Variants in RRP15 observed in about 807,000 individuals in gnomAD.
RRP15 encodes the protein ribosomal RNA processing 15 homolog.
A neutral mutation model predicts 27.1 loss-of-function variants in RRP15; 18 were observed. The ratio of observed to expected loss-of-function variants is 0.66; its 90% confidence interval spans 0.46 to 0.98. The LOEUF (loss-of-function observed/expected upper bound fraction) is 0.98. Ranked by LOEUF, RRP15 falls within the 50% of genes least tolerant of loss-of-function variation. The pLI, the probability that RRP15 is intolerant of heterozygous loss-of-function variation, is 0.00. For synonymous variants in RRP15, 107 were observed against 109.4 expected (o/e 0.98, Z 0.14); for missense variants, 359 against 337.8 (o/e 1.06, Z -0.49).
intron 1 of RRP15, among the ~76,000 whole-genome samples, chr1:218,292,540 C>T (rs1410330559): frequency 6.6e-6 from 1 of 151,192 alleles, no homozygotes; most frequent in Non-Finnish European, 1.5e-5. Context: ...TGTAGGGAGA[C>T]TCCAACCCTT....
rs1656444412 is a variant in RRP15, at chr1:218,336,162, T to C, written c.*5071T>C. The C allele has an allele frequency of 6.6e-6, 1 of 152,196 alleles. No individual in the cohort carries two copies. The highest frequency in any genetic ancestry group is 1.5e-5 in the Non-Finnish European group (1 of 68,012). The allele number at this position is 152,196 out of a possible 1,614,324, so 9.4% of individuals were successfully genotyped here. ...TTTCCTAAGTAAGTGTATTTAGTTG[T>C]AGGACCTTAGAGTTGCCTAGGTCCA... On this transcript the variant is annotated 3_prime_UTR_variant, in exon 5 of 5. Coordinates refer to ENST00000366932, the MANE Select transcript of RRP15 (RefSeq NM_016052.4).
At chr1:218,324,113 G>T (rs1466030362) in intron 4 of RRP15, among the ~76,000 whole-genome samples, 3 of 152,170 alleles carry the variant, frequency 2.0e-5, no homozygotes, top group African/African-American at 7.2e-5. Context: ...CTCTCAGCCT[G>T]CCCCTCCGTG....
At chr1:218,316,293 T>C (rs1656088763) in intron 4 of RRP15, among the ~76,000 whole-genome samples, 1 of 152,158 alleles carries the variant, frequency 6.6e-6, no homozygotes, top group African/African-American at 2.4e-5. Context: ...TATGAATAAA[T>C]GTGCTATTTG....
At chr1:218,288,113 G>T (rs1655578682) in intron 1 of RRP15, among the ~76,000 whole-genome samples, 1 of 152,170 alleles carries the variant, frequency 6.6e-6, no homozygotes, top group South Asian at 2.1e-4. Flanking sequence ...TAGGCAGCAG[G>T]GAGCTATTGA....
chr1:218,329,866 T>C (rs1248931646), intron 4 of RRP15, among the ~76,000 whole-genome samples: 1 of 152,068 alleles, frequency 6.6e-6, no homozygotes, highest in Non-Finnish European at 1.5e-5. Context: ...AGGGCTATCT[T>C]TTTTTAAATA....
At chr1:218,322,099 G>T (rs1023380713) in intron 4 of RRP15, among the ~76,000 whole-genome samples, 2 of 152,100 alleles carry the variant, frequency 1.3e-5, no homozygotes, top group African/African-American at 4.8e-5. Flanking sequence ...TTACTGTATT[G>T]TGTTCATATC....
Position 218,285,342 on chromosome 1 carries a change from G to T in RRP15, c.26G>T (p.Arg9Leu). 10 of 1,614,142 alleles carry T rather than the reference G, an allele frequency of 6.2e-6. No homozygotes were observed. Among genetic ancestry groups the T allele is most frequent in the Non-Finnish European group, 8.5e-6 (10 of 1,180,014 alleles). ...ATGGCAGCCGCCGCTCCGGACTCACGTGTGAGTGAGGAAGAAAACCTGAAA... is the reference window on the plus strand; with the variant it reads ...ATGGCAGCCGCCGCTCCGGACTCACTTGTGAGTGAGGAAGAAAACCTGAAA... MAAAAPDSRVSEEENLKKT... is the reference protein window; with the variant it reads MAAAAPDSLVSEEENLKKT... Residue 9 changes from arginine to leucine, a missense_variant, in exon 1 of 5, where the codon CGT (arginine) becomes CTT (leucine). Coordinates refer to ENST00000366932, the MANE Select transcript of RRP15 (RefSeq NM_016052.4).
Position 218,300,493 on chromosome 1 carries a change from T to G in RRP15, c.140-1801T>G, listed in dbSNP as rs181092951. On this transcript the variant is annotated intron_variant, in intron 1 of 4. Transcript: ENST00000366932. ...TATTACGCAAAAATAATGCCCAAAT[T>G]GCAAGTATTGTAATCACTTGCTAAA... 3.9e-5 allele frequency among the ~76,000 whole-genome samples: 6 copies of G among 152,316 alleles called. No individual in the cohort carries two copies. The East Asian group carries it at 9.7e-4, about 25-fold the overall frequency.
intron 1 of RRP15, among the ~76,000 whole-genome samples, chr1:218,293,166 A>C (rs1380155827): frequency 6.6e-6 from 1 of 151,882 alleles, no homozygotes; most frequent in Non-Finnish European, 1.5e-5. Context: ...TTGGGACCAT[A>C]GGTGCACACC....
intron 3 of RRP15, among the ~76,000 whole-genome samples, chr1:218,306,854 A>C (rs947363024): frequency 6.6e-6 from 1 of 152,184 alleles, no homozygotes; most frequent in Non-Finnish European, 1.5e-5. Context: ...TCTATTTTTC[A>C]TACTGAGTCT....
intron 4 of RRP15, among the ~76,000 whole-genome samples, chr1:218,312,442 A>C (rs1656016522): frequency 6.6e-6 from 1 of 152,044 alleles, no homozygotes; most frequent in South Asian, 2.1e-4. Flanking sequence ...TTTTTGTGAG[A>C]TAGGGCTATG....
At chr1:218,305,537 C>T (rs373092654) in intron 3 of RRP15, among the ~76,000 whole-genome samples, 4 of 152,156 alleles carry the variant, frequency 2.6e-5, no homozygotes, top group East Asian at 1.9e-4. Context: ...TGGCACCAAA[C>T]GTTTACTTGA....
intron 4 of RRP15, among the ~76,000 whole-genome samples, chr1:218,311,314 T>C (rs1434385758): frequency 6.6e-6 from 1 of 152,198 alleles, no homozygotes; most frequent in Non-Finnish European, 1.5e-5. Context: ...CCACATTCTG[T>C]CCTTCCAACA....
At chr1:218,327,989 C>T (rs1345964563) in intron 4 of RRP15, among the ~76,000 whole-genome samples, 1 of 152,184 alleles carries the variant, frequency 6.6e-6, no homozygotes, top group African/African-American at 2.4e-5. Flanking sequence ...AAACAGATTG[C>T]TAGGCCCCAT....
chr1:218,307,422 A>G lies in RRP15; in HGVS notation c.504-9A>G. On this transcript the variant is annotated splice_polypyrimidine_tract_variant and intron_variant, in intron 3 of 4. Transcript: ENST00000366932. ...TAATACATCATTCTGGTCATTTTAT[A>G]TTCTACAGGGGTGTGGTGCAATTAT... is the stretch of plus-strand genomic sequence containing the variant. 1 of 1,605,814 alleles carries G rather than the reference A, an allele frequency of 6.2e-7. No homozygotes were observed. The highest frequency in any genetic ancestry group is 8.5e-7 in the Non-Finnish European group (1 of 1,175,044).
At chr1:218,320,047 C>CTT (rs140693389) in intron 4 of RRP15, among the ~76,000 whole-genome samples, 6 of 139,312 alleles carry the variant, frequency 4.3e-5, no homozygotes, top group African/African-American at 1.6e-4. Flanking sequence ...TGTTTTATTT[C>CTT]TTTTTTTTTC....
chr1:218,309,242 C>G (rs1352002317), intron 4 of RRP15, among the ~76,000 whole-genome samples: 1 of 152,184 alleles, frequency 6.6e-6, no homozygotes, highest in African/African-American at 2.4e-5. Context: ...AATACCCTGA[C>G]ATATTTCTTT....
At position 218,336,084 on chromosome 1, in the gene RRP15, G is replaced by A. The variant is rs553506611; in HGVS notation, c.*4993G>A. On this transcript the variant is annotated 3_prime_UTR_variant, in exon 5 of 5. Coordinates refer to ENST00000366932, the MANE Select transcript of RRP15 (RefSeq NM_016052.4). ...GGAGCAACAGATACCACCATGTAAG[G>A]AGTGAATTCCCATGTTTTTCACTTA... 1 of 152,204 alleles carries A rather than the reference G, an allele frequency of 6.6e-6. No individual in the cohort carries two copies. The highest frequency in any genetic ancestry group is 1.9e-4 in the East Asian group (1 of 5,176). 9.4% of individuals were successfully genotyped at this position (152,204 alleles called of 1,614,324 possible). A position where few individuals can be genotyped will look rare whatever the true frequency, so the allele number is the denominator to read the frequency against.
intron 1 of RRP15, among the ~76,000 whole-genome samples, chr1:218,289,564 A>G (rs1655601874): frequency 1.3e-5 from 2 of 151,700 alleles, no homozygotes; most frequent in Admixed American, 6.6e-5. Context: ...ACTGCCATCT[A>G]CTCCCATCCA....
Sources: gnomAD v4.1 joint callset for allele counts (sites outside exome capture counted in the v4.1 genomes callset) on GRCh38, gnomAD v4.1.1 for gene constraint, MANE v1.5 for transcripts, NCBI Gene and HGNC (gene_info 2026-07-23, HGNC 2026-07-21) for gene names.